LDLRAD3: variants seen among roughly 807,000 people sequenced by gnomAD.
LDLRAD3 encodes the protein low density lipoprotein receptor class A domain containing 3, also known as low-density lipoprotein receptor class A domain-containing protein 3.
A neutral mutation model predicts 29.4 loss-of-function variants in LDLRAD3; 20 were observed. That is an observed-to-expected ratio of 0.68 (90% CI 0.48 to 0.99). LDLRAD3 has a LOEUF of 0.99. Ranked by LOEUF, LDLRAD3 falls within the 50% of genes least tolerant of loss-of-function variation. The pLI, the probability that LDLRAD3 is intolerant of heterozygous loss-of-function variation, is 0.00. For missense variants in LDLRAD3, 420 were observed against 454.3 expected (o/e 0.92, Z 0.69); for synonymous variants, 157 against 192.7 (o/e 0.81, Z 1.53).
At position 36,015,553 on chromosome 11, in the gene LDLRAD3, C is replaced by G. The variant is rs1286316569; in HGVS notation, c.47-20550C>G. 2.6e-5 allele frequency among the ~76,000 whole-genome samples: 4 copies of G among 152,024 alleles called. No homozygotes were observed. In the East Asian group the frequency reaches 7.7e-4, roughly 29 times the overall value. ...GCGCGCAGATGTTAACTGGGGAGCT[C>G]TATGAATTTCCATGAAGTAAACACA... is the stretch of plus-strand genomic sequence containing the variant. On this transcript the variant is annotated intron_variant, in intron 1 of 5. Transcript: ENST00000315571.
At chr11:36,013,455 C>T (rs537982261) in intron 1 of LDLRAD3, among the ~76,000 whole-genome samples, 2 of 145,674 alleles carry the variant, frequency 1.4e-5, no homozygotes, top group East Asian at 4.3e-4. Context: ...TCTCCCTCCC[C>T]TTGCCCCCCA....
chr11:36,133,547 C>CTTTTTTTTTTTTTT, intron 4 of LDLRAD3, among the ~76,000 whole-genome samples: 1 of 119,904 alleles, frequency 8.3e-6, no homozygotes, highest in Non-Finnish European at 1.7e-5. Context: ...TTTTTCTTTT[C>CTTTTTTTTTTTTTT]TTTTTTTTTT....
chr11:36,110,544 G>C (rs1368081305), intron 4 of LDLRAD3, among the ~76,000 whole-genome samples: 1 of 152,184 alleles, frequency 6.6e-6, no homozygotes, highest in Non-Finnish European at 1.5e-5. Flanking sequence ...CTTGATTGTA[G>C]AGGGGACATT....
intron 4 of LDLRAD3, among the ~76,000 whole-genome samples, chr11:36,177,630 G>C (rs1358202983): frequency 6.6e-6 from 1 of 152,210 alleles, no homozygotes; most frequent in Non-Finnish European, 1.5e-5. Flanking sequence ...CTCCAGGCTG[G>C]TGCTAGGGAG....
chr11:36,176,341 C>T (rs779839467), intron 4 of LDLRAD3, among the ~76,000 whole-genome samples: 10 of 152,038 alleles, frequency 6.6e-5, no homozygotes, highest in Non-Finnish European at 1.3e-4. Context: ...TTCTGTTCCT[C>T]GTGCTAGTTG....
intron 1 of LDLRAD3, among the ~76,000 whole-genome samples, chr11:35,976,774 C>T (rs1851481981): frequency 6.6e-6 from 1 of 152,104 alleles, no homozygotes; most frequent in Non-Finnish European, 1.5e-5. Flanking sequence ...AATAAGTCTT[C>T]CATTTTCAAA....
At position 35,990,043 on chromosome 11, in the gene LDLRAD3, G is replaced by A. The variant is rs145330130; in HGVS notation, c.46+45899G>A. Among the ~76,000 whole-genome samples, 3 of 152,254 alleles carry A rather than the reference G, an allele frequency of 2.0e-5. No individual in the cohort carries two copies. In the East Asian group the frequency reaches 5.8e-4, roughly 29 times the overall value. Reference sequence around the variant, plus strand: ...GGTTTACTTAGAGTTATACAGCCTAGGGGCCTGATTCCTCCATTTGTTCTC... The same window carrying A: ...GGTTTACTTAGAGTTATACAGCCTAAGGGCCTGATTCCTCCATTTGTTCTC... On this transcript the variant is annotated intron_variant, in intron 1 of 5. Transcript: ENST00000315571.
chr11:35,991,867 T>TGTGTGTGTGTGTGTG (rs1565147663), intron 1 of LDLRAD3, among the ~76,000 whole-genome samples: 12 of 82,684 alleles, frequency 1.5e-4, no homozygotes, highest in Admixed American at 5.8e-4. Flanking sequence ...GAATGGTTGT[T>TGTGTGTGTGTGTGTG]TGTGTGTGTG....
intron 1 of LDLRAD3, among the ~76,000 whole-genome samples, chr11:36,030,329 T>G (rs192487408): frequency 6.6e-6 from 1 of 152,200 alleles, no homozygotes; most frequent in South Asian, 2.1e-4. Context: ...CTGATGCTAC[T>G]GTGTGGAGCA....
chr11:36,000,781 T>G (rs1290925151), intron 1 of LDLRAD3, among the ~76,000 whole-genome samples: 1 of 151,980 alleles, frequency 6.6e-6, no homozygotes, highest in Non-Finnish European at 1.5e-5. Context: ...TGACCCATCC[T>G]CGGTGTGGGA....
At chr11:36,056,799 C>T (rs1423998049) in intron 2 of LDLRAD3, among the ~76,000 whole-genome samples, 2 of 152,166 alleles carry the variant, frequency 1.3e-5, no homozygotes. Flanking sequence ...ATTCTCAGGG[C>T]ACTCTCCACT....
chr11:35,963,590 T>C (rs1245231760), intron 1 of LDLRAD3, among the ~76,000 whole-genome samples: 1 of 152,216 alleles, frequency 6.6e-6, no homozygotes, highest in African/African-American at 2.4e-5. Flanking sequence ...TGGCTTTCTT[T>C]GCGGAAAACA....
chr11:36,197,561 A>C (rs1273585466), intron 4 of LDLRAD3: 1 of 152,288 alleles, frequency 6.6e-6, no homozygotes, highest in Non-Finnish European at 1.5e-5. Flanking sequence ...AGCAGGTACT[A>C]AGCAAGTGTT....
chr11:35,971,292 A>C (rs1851408960), intron 1 of LDLRAD3, among the ~76,000 whole-genome samples: 1 of 152,172 alleles, frequency 6.6e-6, no homozygotes, highest in South Asian at 2.1e-4. Flanking sequence ...TATTGAGGGG[A>C]GTGACATGAC....
At chr11:36,087,337 G>A (rs999732921) in intron 3 of LDLRAD3, among the ~76,000 whole-genome samples, 2 of 152,148 alleles carry the variant, frequency 1.3e-5, no homozygotes, top group African/African-American at 4.8e-5. Context: ...GAATGATATT[G>A]TGTCTATTTT....
intron 4 of LDLRAD3, among the ~76,000 whole-genome samples, chr11:36,115,376 C>T (rs1853660469): frequency 6.6e-6 from 1 of 152,176 alleles, no homozygotes. Flanking sequence ...AAAGGCATCT[C>T]CTTGCTGCAT....
intron 2 of LDLRAD3, among the ~76,000 whole-genome samples, chr11:36,055,520 A>G (rs1488347470): frequency 2.0e-5 from 3 of 152,180 alleles, no homozygotes; most frequent in East Asian, 1.9e-4. Context: ...ATTTAATTCC[A>G]TGGTGCTAGG....
chr11:36,018,411 A>AC (rs763919729), intron 1 of LDLRAD3, among the ~76,000 whole-genome samples: 5 of 152,190 alleles, frequency 3.3e-5, no homozygotes, highest in Non-Finnish European at 7.3e-5. Context: ...GGTACAGAAA[A>AC]ATTTTAAAAT....
At chr11:36,151,591 C>G (rs1259177374) in intron 4 of LDLRAD3, among the ~76,000 whole-genome samples, 1 of 152,126 alleles carries the variant, frequency 6.6e-6, no homozygotes, top group Non-Finnish European at 1.5e-5. Context: ...GCACTCCGCT[C>G]CCTCCTTAAT....
Sources: allele counts gnomAD v4.1 joint callset (sites outside exome capture counted in the v4.1 genomes callset), GRCh38; gene constraint gnomAD v4.1.1; transcripts MANE v1.5; gene names NCBI Gene and HGNC (gene_info 2026-07-23, HGNC 2026-07-21).